Variants in NCAM1 observed in about 807,000 individuals in gnomAD.
The protein encoded by NCAM1 is neural cell adhesion molecule 1.
NCAM1 carries 14 observed loss-of-function variants against 109.8 expected under a neutral mutation model. The observed-to-expected ratio is 0.13, with a 90% CI of 0.08 to 0.20. The LOEUF is 0.20. Among genes scored for constraint, NCAM1 ranks in the 10% least tolerant of loss-of-function variants. The pLI, the probability that NCAM1 is intolerant of heterozygous loss-of-function variation, is 1.00. For synonymous variants in NCAM1, 418 were observed against 442.9 expected, an observed-to-expected ratio of 0.94 and a Z score of 0.70; for missense variants, 774 against 1,109.9, an observed-to-expected ratio of 0.70 and a Z score of 4.30.
At chr11:113,156,315 G>A (rs529710968) in intron 1 of NCAM1, among the ~76,000 whole-genome samples, 1 of 152,276 alleles carries the variant, frequency 6.6e-6, no homozygotes, top group Admixed American at 6.5e-5. Context: ...GTTTCAGGTA[G>A]TAGCAGCCCA....
intron 1 of NCAM1, among the ~76,000 whole-genome samples, chr11:113,136,098 G>A (rs187232540): frequency 5.7e-4 from 87 of 152,276 alleles, no homozygotes; most frequent in African/African-American, 1.9e-3. Flanking sequence ...AGACAGGTTC[G>A]CCTGAGCCCA....
rs1565379753 is a variant in NCAM1, at chr11:113,009,331, T to TTTTTG, written c.52+47671_52+47672insGTTTT. Among the ~76,000 whole-genome samples the TTTTTG allele has an allele frequency of 1.4e-4, 19 of 136,646 alleles. No individual in the cohort carries two copies. In the East Asian group the frequency reaches 3.8e-3, roughly 27 times the overall value. The allele number at this position is 136,646 out of a possible 152,430, so 89.6% of individuals were successfully genotyped here. ...TTTCGGGTTTTTTTTTTTTTTTTTT[T>TTTTTG]TTTTTTTTTTATTGAGATGGTCTCA... is the stretch of plus-strand genomic sequence containing the variant. On this transcript the variant is annotated intron_variant, in intron 1 of 19. Transcript: ENST00000316851.
At chr11:112,984,374 AGGT>A (rs1951237267) in intron 1 of NCAM1, among the ~76,000 whole-genome samples, 1 of 151,920 alleles carries the variant, frequency 6.6e-6, no homozygotes, top group Non-Finnish European at 1.5e-5. Flanking sequence ...TATCTTCATG[AGGT>A]GGTGATTTCA....
intron 5 of NCAM1, among the ~76,000 whole-genome samples, 158 bp downstream of exon 5, chr11:113,206,338 CTTTTTTTTTTTT>C (rs199506206): frequency 7.3e-6 from 1 of 136,222 alleles, no homozygotes; most frequent in Non-Finnish European, 1.6e-5. Context: ...ATCTAGATTT[CTTTTTTTTTTTT>C]TTTTTAATAT....
chr11:113,068,537 C>A (rs1490748148), intron 1 of NCAM1, among the ~76,000 whole-genome samples: 3 of 152,130 alleles, frequency 2.0e-5, no homozygotes, highest in African/African-American at 7.2e-5. Flanking sequence ...GTTTTGGAAA[C>A]GCTGATCTGT....
chr11:113,204,220 C>T, intron 2 of NCAM1, 66 bp from the exon 3 acceptor site: 1 of 1,332,052 alleles, frequency 7.5e-7, no homozygotes, highest in East Asian at 2.5e-5. Context: ...CAGCCACTGT[C>T]AGTCTGGAGG....
intron 1 of NCAM1, among the ~76,000 whole-genome samples, chr11:113,165,779 G>T (rs4595575): frequency 0.21 from 31,771 of 151,140 alleles, 4,215 homozygotes; most frequent in East Asian, 0.37. Context: ...TTCTCGCCTG[G>T]TCCGGTTTCT....
chr11:113,200,952 G>T (rs1591411075), intron 1 of NCAM1, among the ~76,000 whole-genome samples: 1 of 152,140 alleles, frequency 6.6e-6, no homozygotes, highest in Non-Finnish European at 1.5e-5. Flanking sequence ...TTCCAAACCA[G>T]TTTTTGGAAG....
chr11:113,048,921 G>A (rs782091413), intron 1 of NCAM1, among the ~76,000 whole-genome samples: 5 of 152,162 alleles, frequency 3.3e-5, no homozygotes, highest in Admixed American at 6.5e-5. Flanking sequence ...TTCCTTGAAG[G>A]GGTGTTTCTT....
chr11:113,205,976 C>A, intron 4 of NCAM1, 67 bp from the exon 5 acceptor site: 1 of 1,588,354 alleles, frequency 6.3e-7, no homozygotes, highest in Non-Finnish European at 8.6e-7. Context: ...AGGAAAGAGA[C>A]TCAGCCACCT....
intron 1 of NCAM1, among the ~76,000 whole-genome samples, chr11:113,185,425 C>T (rs541939981): frequency 2.0e-5 from 3 of 152,242 alleles, no homozygotes; most frequent in Non-Finnish European, 4.4e-5. Flanking sequence ...CTCAGTCTAC[C>T]CAATTTCAAT....
intron 13 of NCAM1, among the ~76,000 whole-genome samples, chr11:113,234,806 G>A (rs1945114499): frequency 6.6e-6 from 1 of 152,200 alleles, no homozygotes; most frequent in South Asian, 2.1e-4. Context: ...TGTCATTTGG[G>A]TCTGCCTTTC....
chr11:113,266,011 TCTGA>T (rs1292110594), intron 17 of NCAM1, among the ~76,000 whole-genome samples: 2 of 152,180 alleles, frequency 1.3e-5, no homozygotes, highest in Non-Finnish European at 2.9e-5. Context: ...CCTGGGCAGC[TCTGA>T]CCTCGAGGTT....
At chr11:113,143,208 A>T (rs190555700) in intron 1 of NCAM1, among the ~76,000 whole-genome samples, 196 of 152,330 alleles carry the variant, frequency 1.3e-3, no homozygotes, top group Middle Eastern at 3.4e-3. Flanking sequence ...CTAGGATTCA[A>T]TTAGGTTTCA....
At chr11:113,040,843 T>A (rs1555079879) in intron 1 of NCAM1, 1 of 152,250 alleles carries the variant, frequency 6.6e-6, no homozygotes, top group African/African-American at 2.4e-5. Context: ...TTTCCCCTTC[T>A]ACTCTTCATC....
intron 9 of NCAM1, among the ~76,000 whole-genome samples, chr11:113,226,136 G>A (rs1349212054): frequency 1.3e-5 from 2 of 152,190 alleles, no homozygotes; most frequent in African/African-American, 4.8e-5. Flanking sequence ...ACACAGACTG[G>A]CAAGTTGGAT....
chr11:113,033,927 C>T (rs1555078716), intron 1 of NCAM1, among the ~76,000 whole-genome samples: 1 of 152,030 alleles, frequency 6.6e-6, no homozygotes, highest in African/African-American at 2.4e-5. Flanking sequence ...GTTTGATATC[C>T]GTAAGAGAGA....
chr11:112,974,686 T>C (rs1181300192), intron 1 of NCAM1, among the ~76,000 whole-genome samples: 1 of 152,012 alleles, frequency 6.6e-6, no homozygotes, highest in African/African-American at 2.4e-5. Context: ...CAACAAAGTC[T>C]GGTATATGCA....
intron 1 of NCAM1, among the ~76,000 whole-genome samples, chr11:113,058,414 G>T (rs1292733896): frequency 6.6e-6 from 1 of 152,144 alleles, no homozygotes; most frequent in African/African-American, 2.4e-5. Flanking sequence ...ATGAGAGGAA[G>T]ATTGATAGTG....
Sources: gnomAD v4.1 joint callset for allele counts (sites outside exome capture counted in the v4.1 genomes callset) on GRCh38, gnomAD v4.1.1 for gene constraint, MANE v1.5 for transcripts, NCBI Gene and HGNC (gene_info 2026-07-23, HGNC 2026-07-21) for gene names.